The following MAGI2 variants were observed in gnomAD, a reference collection of about 807,000 sequenced individuals.
MAGI2 encodes membrane-associated guanylate kinase, WW and PDZ domain-containing protein 2.
In MAGI2, 35 loss-of-function variants were observed where a neutral mutation model predicts 133.3. The ratio of observed to expected loss-of-function variants is 0.26; its 90% CI spans 0.20 to 0.35. The LOEUF (loss-of-function observed/expected upper bound fraction) is 0.35. Ranked by LOEUF, MAGI2 falls within the 10% of genes least tolerant of loss-of-function variation. MAGI2 has a pLI of 1.00. For synonymous variants in MAGI2, 729 were observed against 710.6 expected, an observed-to-expected ratio of 1.03 and a Z score of -0.41; for missense variants, 1,636 against 1,863.4, an observed-to-expected ratio of 0.88 and a Z score of 2.25.
At chr7:78,176,111 G>A (rs1440264535) in intron 14 of MAGI2, among the ~76,000 whole-genome samples, 1 of 152,112 alleles carries the variant, frequency 6.6e-6, no homozygotes, top group African/African-American at 2.4e-5. Context: ...CGGAGATGGG[G>A]GAGAGTAAAC....
chr7:78,868,111 T>C (rs1260917279), intron 2 of MAGI2, among the ~76,000 whole-genome samples: 1 of 152,210 alleles, frequency 6.6e-6, no homozygotes, highest in African/African-American at 2.4e-5. Context: ...AGAATTTTAA[T>C]TGGTGACATA....
intron 1 of MAGI2, among the ~76,000 whole-genome samples, chr7:79,195,487 A>G (rs1041997581): frequency 1.3e-5 from 2 of 152,072 alleles, no homozygotes; most frequent in Non-Finnish European, 2.9e-5. Flanking sequence ...AGGAAAATGC[A>G]TTTGTATTTT....
At chr7:78,495,624 T>C (rs1219009942) in intron 5 of MAGI2, among the ~76,000 whole-genome samples, 2 of 152,220 alleles carry the variant, frequency 1.3e-5, no homozygotes, top group Non-Finnish European at 2.9e-5. Flanking sequence ...TTTCTATCTA[T>C]ACATAGGTAA....
chr7:78,198,361 C>A (rs1407797323), intron 11 of MAGI2, among the ~76,000 whole-genome samples: 1 of 151,562 alleles, frequency 6.6e-6, no homozygotes, highest in African/African-American at 2.4e-5. Flanking sequence ...CAGTGAGCAG[C>A]CTGGATGTAC....
Position 78,566,626 on chromosome 7 carries a change from A to G in MAGI2, c.539-44981T>C, listed in dbSNP as rs1039014132. Among the ~76,000 whole-genome samples, 7 of 152,098 alleles carry G rather than the reference A, an allele frequency of 4.6e-5. 1 individual carries two copies. Among genetic ancestry groups the G allele is most frequent in the African/African-American group, 1.7e-4 (7 of 41,428 alleles). ...AGGTCAGGAGAAAGGAGATGCTTAC[A>G]TTAGCAAGCTATGTGTAGTAAAATC... On this transcript the variant is annotated intron_variant, in intron 3 of 21. Coordinates refer to ENST00000354212, the MANE Select transcript of MAGI2 (RefSeq NM_012301.4).
chr7:78,458,294 C>A (rs200336919), intron 6 of MAGI2, among the ~76,000 whole-genome samples: 124 of 112,994 alleles, frequency 1.1e-3, no homozygotes, highest in East Asian at 1.8e-3. Flanking sequence ...AACTCGGTCT[C>A]AAAAAAAAAA....
At chr7:78,500,993 C>A (rs11983701) in intron 5 of MAGI2, among the ~76,000 whole-genome samples, 1 of 151,998 alleles carries the variant, frequency 6.6e-6, no homozygotes, top group Non-Finnish European at 1.5e-5. Flanking sequence ...GAGACTGAGG[C>A]GGGAGGACTG....
chr7:78,683,821 T>C (rs1173671577), intron 2 of MAGI2, among the ~76,000 whole-genome samples: 1 of 152,228 alleles, frequency 6.6e-6, no homozygotes, highest in Non-Finnish European at 1.5e-5. Context: ...TACTAACGTT[T>C]CTGTCTCTTT....
At chr7:78,719,071 T>C (rs992532597) in intron 2 of MAGI2, among the ~76,000 whole-genome samples, 10 of 152,280 alleles carry the variant, frequency 6.6e-5, no homozygotes, top group African/African-American at 2.4e-4. Context: ...GTGGGGAAAA[T>C]AGGATGAATA....
At chr7:78,577,719 G>A (rs1802414132) in intron 3 of MAGI2, among the ~76,000 whole-genome samples, 1 of 152,070 alleles carries the variant, frequency 6.6e-6, no homozygotes, top group South Asian at 2.1e-4. Context: ...TGAGCCAGGA[G>A]AAGGAATTTC....
Position 78,665,192 on chromosome 7 carries a change from A to G in MAGI2, c.419-37953T>C, listed in dbSNP as rs189591384. Reference sequence around the variant, plus strand: ...AGAGGTGATGTTACTACCTACGATTATAAGTAGTTTTAAGGTTCTTGATAC... The same window carrying G: ...AGAGGTGATGTTACTACCTACGATTGTAAGTAGTTTTAAGGTTCTTGATAC... On this transcript the variant is annotated intron_variant, in intron 2 of 21. Coordinates refer to ENST00000354212, the MANE Select transcript of MAGI2 (RefSeq NM_012301.4). Among the ~76,000 whole-genome samples, 1,080 of 152,244 alleles carry G rather than the reference A, an allele frequency of 7.1e-3. 10 individuals are homozygous for G. Among genetic ancestry groups the G allele is most frequent in the Non-Finnish European group, 7.2e-3 (488 of 67,986 alleles).
intron 3 of MAGI2, among the ~76,000 whole-genome samples, chr7:78,536,764 T>G (rs983891611): frequency 2.3e-4 from 34 of 150,358 alleles, no homozygotes; most frequent in African/African-American, 5.6e-4. Context: ...TTGTTGTTTT[T>G]TTTTTTTTTT....
intron 21 of MAGI2, among the ~76,000 whole-genome samples, chr7:78,021,149 C>T (rs1319246449): frequency 6.6e-6 from 1 of 152,160 alleles, no homozygotes; most frequent in Non-Finnish European, 1.5e-5. Context: ...CAACAGTTCC[C>T]TGGAGCTTCT....
intron 6 of MAGI2, among the ~76,000 whole-genome samples, chr7:78,415,411 T>G (rs1229276453): frequency 6.6e-6 from 1 of 152,022 alleles, no homozygotes; most frequent in East Asian, 1.9e-4. Flanking sequence ...AAAGACATTA[T>G]CCTAACTCTG....
intron 2 of MAGI2, among the ~76,000 whole-genome samples, chr7:78,720,027 A>C (rs1358802129): frequency 6.6e-6 from 1 of 152,154 alleles, no homozygotes; most frequent in Non-Finnish European, 1.5e-5. Context: ...AAATATATCA[A>C]ATGGCTGCAT....
At chr7:79,174,685 A>G (rs1225678654) in intron 1 of MAGI2, among the ~76,000 whole-genome samples, 1 of 150,688 alleles carries the variant, frequency 6.6e-6, no homozygotes, top group Non-Finnish European at 1.5e-5. Context: ...TAATAAAAAA[A>G]TTTAAATTTT....
intron 2 of MAGI2, among the ~76,000 whole-genome samples, chr7:78,643,370 G>C (rs1021632270): frequency 6.6e-6 from 1 of 152,118 alleles, no homozygotes; most frequent in Non-Finnish European, 1.5e-5. Flanking sequence ...TGAAAAAGTA[G>C]TAATTTTCTA....
chr7:79,100,822 T>C (rs1339487303), intron 1 of MAGI2, among the ~76,000 whole-genome samples: 1 of 151,972 alleles, frequency 6.6e-6, no homozygotes, highest in Non-Finnish European at 1.5e-5. Context: ...CAAAATATTT[T>C]AATCCATTAA....
intron 10 of MAGI2, among the ~76,000 whole-genome samples, chr7:78,214,780 T>C (rs1353508859): frequency 1.3e-5 from 2 of 152,222 alleles, no homozygotes; most frequent in African/African-American, 4.8e-5. Flanking sequence ...ACCCCTGCAA[T>C]GTATTTTCTC....
Sources: gnomAD v4.1 joint callset for allele counts (sites outside exome capture counted in the v4.1 genomes callset) on GRCh38, gnomAD v4.1.1 for gene constraint, MANE v1.5 for transcripts, NCBI Gene and HGNC (gene_info 2026-07-23, HGNC 2026-07-21) for gene names.